LRRC47: variants seen among roughly 807,000 people sequenced by gnomAD.
LRRC47 encodes leucine rich repeat containing 47.
A neutral mutation model predicts 40.9 loss-of-function variants in LRRC47; 31 were observed. The observed-to-expected ratio is 0.76, with a 90% CI of 0.57 to 1.02. The LOEUF (loss-of-function observed/expected upper bound fraction) is 1.02, where lower values mean the gene tolerates loss of function less well. LRRC47 is among the 50% of genes least tolerant of loss of function. The pLI is 0.00. For missense variants in LRRC47, 726 were observed against 796.1 expected (o/e 0.91, Z 1.06); for synonymous variants, 427 against 371.9 (o/e 1.15, Z -1.70).
At chr1:3,793,976 A>G (rs948605714) in intron 1 of LRRC47, among the ~76,000 whole-genome samples, 4 of 152,144 alleles carry the variant, frequency 2.6e-5, no homozygotes, top group African/African-American at 7.2e-5. Flanking sequence ...CAGGCAGATC[A>G]TGAGGTCAGG....
chr1:3,787,703 C>G (rs1487230548), intron 1 of LRRC47, among the ~76,000 whole-genome samples: 1 of 152,122 alleles, frequency 6.6e-6, no homozygotes, highest in Non-Finnish European at 1.5e-5. Flanking sequence ...CGGGACCTAG[C>G]CAGGACTGCT....
At chr1:3,784,584 C>T (rs1643553342) in intron 3 of LRRC47, among the ~76,000 whole-genome samples, 1 of 80,302 alleles carries the variant, frequency 1.2e-5, no homozygotes, top group African/African-American at 1.2e-4. Flanking sequence ...AACCATTTTC[C>T]CAACGACTGC....
In LRRC47 at chr1:3,781,222, C is replaced by T. The variant is rs1288703725; in HGVS notation, c.1618G>A (p.Ala540Thr). ...AGAAGGGAGGGCCCGTCCTTTCCAG[C>T]ACTGGGATTCGTTGTGGGATCTGGA... ...QLPDPTTNPS[A>T]GKDGPSLLVV... Residue 540 changes from alanine to threonine, a missense_variant, in exon 7 of 7, where the codon GCT becomes ACT. Ala to Thr is a moderately conservative substitution (Grantham distance 58). Coordinates refer to ENST00000378251, the MANE Select transcript of LRRC47 (RefSeq NM_020710.3). The T allele has an allele frequency of 6.2e-7, 1 of 1,614,234 alleles. No homozygotes were observed. Among genetic ancestry groups the T allele is most frequent in the African/African-American group, 1.3e-5 (1 of 75,060 alleles).
At chr1:3,794,911 G>T (rs1384600825) in intron 1 of LRRC47, among the ~76,000 whole-genome samples, 1 of 151,618 alleles carries the variant, frequency 6.6e-6, no homozygotes, top group African/African-American at 2.4e-5. Flanking sequence ...AAAGTTAGCC[G>T]GGCGTGGTGG....
Position 3,780,996 on chromosome 1 carries a change from A to C in LRRC47, c.*92T>G. On this transcript the variant is annotated 3_prime_UTR_variant, in exon 7 of 7. Coordinates refer to ENST00000378251, the MANE Select transcript of LRRC47 (RefSeq NM_020710.3). ...TCTCAAAAAAAAAAACCAACAAAAA[A>C]ACTGGGGTGAAAATCTAACGGATAA... The C allele has an allele frequency of 6.5e-7, 1 of 1,533,644 alleles. No homozygotes were observed. Among genetic ancestry groups the C allele is most frequent in the Non-Finnish European group, 8.8e-7 (1 of 1,142,374 alleles).
chr1:3,787,897 G>A (rs1003492496), intron 1 of LRRC47, among the ~76,000 whole-genome samples: 1 of 152,098 alleles, frequency 6.6e-6, no homozygotes, highest in Non-Finnish European at 1.5e-5. Context: ...CTTCAACGGC[G>A]ATGGGTTCTC....
At chr1:3,785,038 C>T (rs373251835) in intron 3 of LRRC47, 49 bp downstream of exon 3, 21 of 1,399,396 alleles carry the variant, frequency 1.5e-5, no homozygotes, top group African/African-American at 1.4e-4. Flanking sequence ...TGGCGTCTTT[C>T]GACACCAAGG....
At chr1:3,789,250 C>T (rs1363422212) in intron 1 of LRRC47, among the ~76,000 whole-genome samples, 2 of 152,280 alleles carry the variant, frequency 1.3e-5, no homozygotes, top group East Asian at 3.8e-4. Flanking sequence ...CCAGCCTGGG[C>T]CACCAGCCCA....
Position 3,787,149 on chromosome 1 carries a change from G to A in LRRC47, c.777C>T (p.Arg259=), listed in dbSNP as rs374036294. ...CQTRSILEYL[R]VGGRGGGKGK... Reference sequence around the variant, plus strand: ...CCTTCCCGCCACCACGGCCTCCGACGCGCAGGTACTCCAGGATGGATCTGG... The same window carrying A: ...CCTTCCCGCCACCACGGCCTCCGACACGCAGGTACTCCAGGATGGATCTGG... The change falls in exon 2 of 7, where the codon CGC becomes CGT. Residue 259 remains arginine, a synonymous_variant. Transcript: ENST00000378251. 2.5e-4 allele frequency: 404 copies of A among 1,613,590 alleles called. No homozygotes were observed. Among genetic ancestry groups the A allele is most frequent in the Non-Finnish European group, 3.2e-4 (382 of 1,180,028 alleles).
At position 3,796,162 on chromosome 1, in the gene LRRC47, G is replaced by A. The variant is rs1286436180; in HGVS notation, c.315C>T (p.Asp105=). 16 of 1,442,758 alleles carry A rather than the reference G, an allele frequency of 1.1e-5. No homozygotes were observed. The East Asian group carries it at 4.0e-4, about 36-fold the overall frequency. 89.4% of individuals were successfully genotyped at this position (1,442,758 alleles called of 1,614,324 possible). ...GCGCCTCCAGCGCGTTGCCCGACAGGTCGAGCACCCGAAGGGCAGGCAGCG... is the reference window on the plus strand; with the variant it reads ...GCGCCTCCAGCGCGTTGCCCGACAGATCGAGCACCCGAAGGGCAGGCAGCG... The part of the protein sequence containing the change: ...LGPLPALRVL[D]LSGNALEALP... Residue 105 remains aspartate, a synonymous_variant, in exon 1 of 7, where the codon GAC becomes GAT. Transcript: ENST00000378251.
In LRRC47 at chr1:3,796,432, C is replaced by G. The variant is rs1254877067; in HGVS notation, c.45G>C (p.Leu15=). 5 of 1,521,020 alleles carry G rather than the reference C, an allele frequency of 3.3e-6. No individual in the cohort carries two copies. In the Admixed American group the frequency reaches 7.9e-5, roughly 24 times the overall value. The allele number at this position is 1,521,020 out of a possible 1,614,324, so 94.2% of individuals were successfully genotyped here. ...GCTCCCGCCGCCGCTCGCGCTCAGC[C>G]AGCTCCAGCTCCGGCCAAGACTCTG... ...AVSESWPELE[L]AERERRRELL... Residue 15 remains leucine (L), a synonymous_variant, in exon 1 of 7, where the codon CTG becomes CTC. Transcript: ENST00000378251.
chr1:3,796,472 G>T lies in LRRC47; in HGVS notation c.5C>A (p.Ala2Glu). Residue 2 changes from alanine (A) to glutamate (E), a missense_variant, in exon 1 of 7, where the codon GCG becomes GAG. Physicochemically the swap from Ala to Glu is moderately radical, Grantham distance 107. Transcript: ENST00000378251. M[A>E]AAAVSESWPE... Reference sequence around the variant, plus strand: ...CCAAGACTCTGACACCGCTGCCGCCGCCATGGCGCCTCAGCTGCTGGCAGG... The same window carrying T: ...CCAAGACTCTGACACCGCTGCCGCCTCCATGGCGCCTCAGCTGCTGGCAGG... 2 of 1,506,554 alleles carry T rather than the reference G, an allele frequency of 1.3e-6. No homozygotes were observed. The highest frequency in any genetic ancestry group is 1.2e-5 in the South Asian group (1 of 81,488). The allele number at this position is 1,506,554 out of a possible 1,614,324, so 93.3% of individuals were successfully genotyped here. A position where few individuals can be genotyped will look rare whatever the true frequency, so the allele number is the denominator to read the frequency against.
chr1:3,796,118 A>G lies in LRRC47; in HGVS notation c.359T>C (p.Leu120Pro). 1 of 1,445,976 alleles carries G rather than the reference A, an allele frequency of 6.9e-7. No homozygotes were observed. Among genetic ancestry groups the G allele is most frequent in the East Asian group, 3.0e-5 (1 of 33,790 alleles). 89.6% of individuals were successfully genotyped at this position (1,445,976 alleles called of 1,614,324 possible). A position where few individuals can be genotyped will look rare whatever the true frequency, so the allele number is the denominator to read the frequency against. The change falls in exon 1 of 7, where the codon CTG (leucine) becomes CCG (proline). Residue 120 changes from leucine (L) to proline (P), a missense_variant. Transcript: ENST00000378251. ...AAGGCCCGGCGGCTCGGCGGGGCCC[A>G]GGCCTTGGCCCGGCGGCAGCGCCTC... ...ALEALPPGQG[L>P]GPAEPPGLPQ...
chr1:3,787,331 G>A lies in LRRC47; in HGVS notation c.616-21C>T, dbSNP rs373091468. On this transcript the variant is annotated intron_variant, in intron 1 of 6. Coordinates refer to ENST00000378251, the MANE Select transcript of LRRC47 (RefSeq NM_020710.3). ...AACGTCTGCAAAGAGAAACATGGAC[G>A]CGTCAGACGCCCGGACTCTGGGAAG... is the stretch of plus-strand genomic sequence containing the variant. 1.6e-4 allele frequency: 247 copies of A among 1,591,412 alleles called. 1 individual carries two copies. The highest frequency in any genetic ancestry group is 1.0e-3 in the Middle Eastern group (6 of 5,950).
intron 1 of LRRC47, 136 bp from the exon 2 acceptor site, chr1:3,787,446 G>A: frequency 2.5e-6 from 2 of 808,704 alleles, no homozygotes; most frequent in South Asian, 3.7e-5. Context: ...CGTCCCTGGG[G>A]AGCCACAAGT....
At position 3,796,471 on chromosome 1, in the gene LRRC47, C is replaced by A; in HGVS notation, c.6G>T (p.Ala2=). The change falls in exon 1 of 7, where the codon GCG becomes GCT. Residue 2 remains alanine, a synonymous_variant. Transcript: ENST00000378251. ...GCCAAGACTCTGACACCGCTGCCGC[C>A]GCCATGGCGCCTCAGCTGCTGGCAG... The part of the protein sequence containing the change: M[A]AAAVSESWPE... The A allele has an allele frequency of 6.6e-7, 1 of 1,507,164 alleles. No individual in the cohort carries two copies. Among genetic ancestry groups the A allele is most frequent in the South Asian group, 1.2e-5 (1 of 81,590 alleles). The allele number at this position is 1,507,164 out of a possible 1,614,324, so 93.4% of individuals were successfully genotyped here. A position where few individuals can be genotyped will look rare whatever the true frequency, so the allele number is the denominator to read the frequency against.
chr1:3,786,448 T>C (rs1415690577), intron 2 of LRRC47, among the ~76,000 whole-genome samples: 6 of 151,740 alleles, frequency 4.0e-5, no homozygotes, highest in African/African-American at 1.5e-4. Context: ...TACAGTGAGA[T>C]TAGACTGCGC....
intron 1 of LRRC47, among the ~76,000 whole-genome samples, chr1:3,788,956 G>A (rs1643602667): frequency 6.6e-6 from 1 of 152,216 alleles, no homozygotes; most frequent in Non-Finnish European, 1.5e-5. Context: ...TGAGCCACGC[G>A]TCCATCGGAT....
chr1:3,795,850 GC>G lies in LRRC47; in HGVS notation c.615+11del. 6.4e-7 allele frequency: 1 copy of G among 1,560,110 alleles called. No homozygotes were observed. Among genetic ancestry groups the G allele is most frequent in the Non-Finnish European group, 8.6e-7 (1 of 1,160,256 alleles). Reference sequence around the variant, plus strand: ...GGCCCCATCCCGCCCCGCCCGGGCAGCCCCCGCTGACCTTGAGCGAGGCCAG... The same window carrying G: ...GGCCCCATCCCGCCCCGCCCGGGCAGCCCCGCTGACCTTGAGCGAGGCCAG... On this transcript the variant is annotated intron_variant, in intron 1 of 6. Coordinates refer to ENST00000378251, the MANE Select transcript of LRRC47 (RefSeq NM_020710.3).
Sources: allele counts gnomAD v4.1 joint callset (sites outside exome capture counted in the v4.1 genomes callset), GRCh38; gene constraint gnomAD v4.1.1; transcripts MANE v1.5; gene names NCBI Gene and HGNC (gene_info 2026-07-23, HGNC 2026-07-21).